Variants in NXPE3 observed in about 807,000 individuals in gnomAD.
NXPE3 encodes the protein neurexophilin and PC-esterase domain family member 3, also known as NXPE family member 3.
Under a neutral mutation model 46.1 loss-of-function variants are expected in NXPE3, and 26 were observed. The ratio of observed to expected loss-of-function variants is 0.56; its 90% CI spans 0.41 to 0.78. The LOEUF (loss-of-function observed/expected upper bound fraction) is 0.78, where lower values mean the gene tolerates loss of function less well. Ranked by LOEUF, NXPE3 falls within the 30% of genes least tolerant of loss-of-function variation. The probability of loss-of-function intolerance (pLI) is 0.00; values close to 1 mark genes in which losing one functional copy is unlikely to be tolerated. For synonymous variants in NXPE3, 272 were observed against 257.9 expected (o/e 1.05, Z -0.52); for missense variants, 620 against 686.0 (o/e 0.90, Z 1.07).
At chr3:101,782,601 A>G (rs1303221139) in intron 2 of NXPE3, 59 bp from the exon 3 acceptor site, 2 of 151,838 alleles carry the variant, frequency 1.3e-5, no homozygotes, top group Non-Finnish European at 2.9e-5. Context: ...CTCATCTTTA[A>G]TTTTTACTTT....
chr3:101,783,052 T>G (rs944751743), intron 3 of NXPE3, among the ~76,000 whole-genome samples: 4 of 152,102 alleles, frequency 2.6e-5, no homozygotes, highest in African/African-American at 9.7e-5. Context: ...CTATTAAAAT[T>G]TTAATATATA....
chr3:101,800,452 G>T (rs746171865), intron 4 of NXPE3, among the ~76,000 whole-genome samples: 2 of 152,138 alleles, frequency 1.3e-5, no homozygotes, highest in Non-Finnish European at 2.9e-5. Context: ...GGCCCAAAAT[G>T]TGGTCCGTTT....
intron 6 of NXPE3, among the ~76,000 whole-genome samples, chr3:101,808,607 A>T (rs1047320447): frequency 2.0e-5 from 3 of 151,822 alleles, no homozygotes; most frequent in Non-Finnish European, 1.5e-5. Flanking sequence ...TTTAACTGTG[A>T]TATCTCCATA....
rs996569520 is a variant in NXPE3, at chr3:101,822,221, T to G, written c.*267T>G. The G allele has an allele frequency of 5.0e-6, 2 of 398,834 alleles. No homozygotes were observed. The highest frequency in any genetic ancestry group is 2.0e-5 in the African/African-American group (1 of 50,540). 24.7% of individuals were successfully genotyped at this position (398,834 alleles called of 1,614,324 possible). On this transcript the variant is annotated 3_prime_UTR_variant, in exon 8 of 8. Transcript: ENST00000273347. Reference sequence around the variant, plus strand: ...ATATTGCTCTTGTAACCAAAGATGCTAATGAGTGTATTTGAATTAGCTTCT... The same window carrying G: ...ATATTGCTCTTGTAACCAAAGATGCGAATGAGTGTATTTGAATTAGCTTCT...
At chr3:101,784,196 T>C (rs1239644580) in intron 3 of NXPE3, among the ~76,000 whole-genome samples, 1 of 152,208 alleles carries the variant, frequency 6.6e-6, no homozygotes, top group African/African-American at 2.4e-5. Context: ...TATCATTAAG[T>C]TGCTTTTCTC....
At chr3:101,821,318 T>A in intron 7 of NXPE3, 86 bp from the exon 8 acceptor site, 1 of 1,127,360 alleles carries the variant, frequency 8.9e-7, no homozygotes, top group Non-Finnish European at 1.3e-6. Context: ...AAAAAAATTG[T>A]TATTTGAAGC....
chr3:101,796,977 A>C (rs1003500359), intron 4 of NXPE3, among the ~76,000 whole-genome samples: 3 of 152,162 alleles, frequency 2.0e-5, no homozygotes, highest in African/African-American at 7.2e-5. Flanking sequence ...ATTCCCCTGC[A>C]GTTTAACCAA....
At chr3:101,784,088 C>T (rs181487910) in intron 3 of NXPE3, among the ~76,000 whole-genome samples, 330 of 152,222 alleles carry the variant, frequency 2.2e-3, no homozygotes, top group Non-Finnish European at 3.6e-3. Flanking sequence ...TGTGGTATAG[C>T]GTAGGCCTCC....
rs531549166 is a variant in NXPE3, at chr3:101,788,791, T to A, written c.93+3102T>A. 2.6e-3 allele frequency among the ~76,000 whole-genome samples: 389 copies of A among 152,174 alleles called. 1 individual carries two copies. The highest frequency in any genetic ancestry group is 8.8e-3 in the African/African-American group (367 of 41,522). On this transcript the variant is annotated intron_variant, in intron 4 of 7. Transcript: ENST00000273347. ...CCACCATGCCCAGCTAATTTTTGTATTTTTAGTAGAGATGGGGTTTTGCCA... is the reference window on the plus strand; with the variant it reads ...CCACCATGCCCAGCTAATTTTTGTAATTTTAGTAGAGATGGGGTTTTGCCA...
chr3:101,814,780 TATAC>T (rs974781262), intron 6 of NXPE3, among the ~76,000 whole-genome samples: 2 of 151,862 alleles, frequency 1.3e-5, no homozygotes, highest in African/African-American at 4.8e-5. Context: ...TGAATAAATA[TATAC>T]CTTCAAGAAA....
intron 4 of NXPE3, among the ~76,000 whole-genome samples, chr3:101,789,189 G>A (rs1271680808): frequency 1.3e-5 from 2 of 152,098 alleles, no homozygotes; most frequent in African/African-American, 4.8e-5. Context: ...TTCTTAAAGT[G>A]ATAGCTAAAG....
At chr3:101,794,141 G>T (rs1005052064) in intron 4 of NXPE3, among the ~76,000 whole-genome samples, 11 of 151,630 alleles carry the variant, frequency 7.3e-5, no homozygotes, top group Admixed American at 4.6e-4. Flanking sequence ...TCATGTGAGA[G>T]GCTAAATCGC....
intron 4 of NXPE3, among the ~76,000 whole-genome samples, chr3:101,793,920 C>G (rs1326893301): frequency 2.0e-5 from 3 of 151,886 alleles, no homozygotes; most frequent in Admixed American, 6.6e-5. Flanking sequence ...AGCCTCATCT[C>G]CTTGCCTTGG....
intron 1 of NXPE3, 132 bp from the exon 2 acceptor site, chr3:101,781,978 T>C (rs1477587304): frequency 6.6e-6 from 1 of 152,228 alleles, no homozygotes; most frequent in Admixed American, 6.5e-5. Context: ...GAAACGTTCC[T>C]ATGCCCACTC....
At position 101,808,848 on chromosome 3, in the gene NXPE3, T is replaced by TACAC. The variant is rs1560057814; in HGVS notation, c.922+1723_922+1724insCACA. Among the ~76,000 whole-genome samples, 507 of 131,156 alleles carry TACAC rather than the reference T, an allele frequency of 3.9e-3. 44 individuals are homozygous for TACAC. Among genetic ancestry groups the TACAC allele is most frequent in the African/African-American group, 6.4e-3 (225 of 35,216 alleles). The allele number at this position is 131,156 out of a possible 152,430, so 86.0% of individuals were successfully genotyped here. ...ATATATATATATATATATATATATATATATATATGAGACATTTATCTTTTA... is the reference window on the plus strand; with the variant it reads ...ATATATATATATATATATATATATATACACATATATATGAGACATTTATCTTTTA... On this transcript the variant is annotated intron_variant, in intron 6 of 7. Transcript: ENST00000273347.
chr3:101,817,363 G>A (rs115998125), intron 7 of NXPE3, among the ~76,000 whole-genome samples: 12 of 152,202 alleles, frequency 7.9e-5, no homozygotes, highest in Non-Finnish European at 1.5e-4. Context: ...ATAGAGGTGG[G>A]CATTTCCAGT....
At chr3:101,786,299 CT>C (rs1370438279) in intron 4 of NXPE3, among the ~76,000 whole-genome samples, 3 of 152,120 alleles carry the variant, frequency 2.0e-5, no homozygotes, top group East Asian at 1.9e-4. Context: ...GGATGCTGTC[CT>C]TTTGTTTTGT....
At chr3:101,783,460 A>G (rs1265233415) in intron 3 of NXPE3, among the ~76,000 whole-genome samples, 2 of 152,244 alleles carry the variant, frequency 1.3e-5, no homozygotes, top group Non-Finnish European at 2.9e-5. Flanking sequence ...CTCTACTTAC[A>G]GCACAGAGTC....
rs758583360 is a variant in NXPE3 at position 101,816,774 on chromosome 3, GTTTTTCT to G, written c.923-11_923-5del. 5.8e-6 allele frequency: 9 copies of G among 1,563,366 alleles called. No homozygotes were observed. The highest frequency in any genetic ancestry group is 4.1e-5 in the African/African-American group (3 of 73,188). ...GTTGGAGGAGAATATTAAAATATTT[GTTTTTCT>G]TTTTTCTTTGCAGAAACTAACAGTC... On this transcript the variant is annotated splice_polypyrimidine_tract_variant and intron_variant, in intron 6 of 7. Transcript: ENST00000273347.
Sources: gnomAD v4.1 joint callset for allele counts (sites outside exome capture counted in the v4.1 genomes callset) on GRCh38, gnomAD v4.1.1 for gene constraint, MANE v1.5 for transcripts, NCBI Gene and HGNC (gene_info 2026-07-23, HGNC 2026-07-21) for gene names.